The following DAPK2 variants were observed in gnomAD, a reference collection of about 807,000 sequenced individuals.
The protein encoded by DAPK2 is death associated protein kinase 2.
DAPK2 carries 35 observed loss-of-function variants against 44.1 expected under a neutral mutation model. That is an observed-to-expected ratio of 0.79 (90% CI 0.61 to 1.05). DAPK2 has a LOEUF of 1.05. Ranked by LOEUF, DAPK2 falls within the 50% of genes least tolerant of loss-of-function variation. The probability of loss-of-function intolerance (pLI) is 0.00; values close to 1 mark genes in which losing one functional copy is unlikely to be tolerated. For missense variants in DAPK2, 453 were observed against 483.2 expected, an observed-to-expected ratio of 0.94 and a Z score of 0.59; for synonymous variants, 174 against 182.6, an observed-to-expected ratio of 0.95 and a Z score of 0.38.
At chr15:64,015,552 C>G (rs920083485) in intron 1 of DAPK2, among the ~76,000 whole-genome samples, 1 of 152,224 alleles carries the variant, frequency 6.6e-6, no homozygotes, top group Admixed American at 6.5e-5. Flanking sequence ...TTTCCATATT[C>G]TAACCCCTGG....
intron 1 of DAPK2, among the ~76,000 whole-genome samples, chr15:64,024,924 T>TA (rs1411769646): frequency 1.1e-4 from 16 of 152,092 alleles, no homozygotes; most frequent in Admixed American, 1.0e-3. Context: ...ATCAGGGTCC[T>TA]AAGGCCTCAG....
upstream of DAPK2, chr15:64,046,356 G>GCGGCGGGAA: frequency 5.1e-6 from 2 of 390,796 alleles, no homozygotes; most frequent in Non-Finnish European, 5.7e-6. This position sits in a 1 kb window ranked among gnomAD's most constrained non-coding sequence, Gnocchi z 5.3. Context: ...AGCGGCGGGC[G>GCGGCGGGAA]CGGCGGGCGC....
intron 8 of DAPK2, chr15:63,918,192 GTGA>G (rs2078979534): frequency 6.6e-6 from 1 of 152,362 alleles, no homozygotes; most frequent in Non-Finnish European, 1.5e-5. Flanking sequence ...CCTGTGCTGC[GTGA>G]TGGAGTGAGG....
Position 64,002,956 on chromosome 15 carries a change from G to GTCGTGGGACC in DAPK2, c.93-19203_93-19202insGGTCCCACGA, listed in dbSNP as rs2079127182. On this transcript the variant is annotated intron_variant, in intron 1 of 10. Transcript: ENST00000261891. ...TGTGTGTGTGTGTGTGTGTGTGTGTGTGTGTGTGTCGTGGGACCTGTGTGT... is the reference window on the plus strand; with the variant it reads ...TGTGTGTGTGTGTGTGTGTGTGTGTGTCGTGGGACCTGTGTGTGTCGTGGGACCTGTGTGT... Among the ~76,000 whole-genome samples the GTCGTGGGACC allele has an allele frequency of 3.4e-3, 409 of 120,700 alleles. 2 individuals carry two copies. Among genetic ancestry groups the GTCGTGGGACC allele is most frequent in the East Asian group, 8.4e-3 (20 of 2,378 alleles). The allele number at this position is 120,700 out of a possible 152,430, so 79.2% of individuals were successfully genotyped here.
chr15:63,964,443 T>C (rs1260869775), intron 3 of DAPK2, among the ~76,000 whole-genome samples: 1 of 152,160 alleles, frequency 6.6e-6, no homozygotes, highest in Non-Finnish European at 1.5e-5. Context: ...ATTATTTGGG[T>C]TTAACCTTCT....
At position 63,980,163 on chromosome 15, in the gene DAPK2, C is replaced by A. The variant is rs1386043579; in HGVS notation, c.314+3370G>T. Among the ~76,000 whole-genome samples, 1 of 152,130 alleles carries A rather than the reference C, an allele frequency of 6.6e-6. No individual in the cohort carries two copies. Among genetic ancestry groups the A allele is most frequent in the Non-Finnish European group, 1.5e-5 (1 of 68,028 alleles). On this transcript the variant is annotated intron_variant, in intron 2 of 10. Transcript: ENST00000261891. The surrounding 1 kb of genome is among the most constrained non-coding windows in gnomAD (Gnocchi z 4.3). The stretch of plus-strand genomic sequence containing the variant: ...GAGGCCCAAGCAAGTCATGGGAGCA[C>A]CAGCGTGACAACTGATGTTACAGAT...
chr15:63,912,044 T>A lies in DAPK2; in HGVS notation c.949-53A>T, dbSNP rs990043571. Reference sequence around the variant, plus strand: ...CAGGTGAGAATGTGCATGGAGACCCTGGAGAGCCAGAAACCCCGCCCTAGC... The same window carrying A: ...CAGGTGAGAATGTGCATGGAGACCCAGGAGAGCCAGAAACCCCGCCCTAGC... On this transcript the variant is annotated intron_variant, in intron 9 of 10. Transcript: ENST00000261891. The surrounding 1 kb of genome is among the most constrained non-coding windows in gnomAD (Gnocchi z 4.4). The A allele has an allele frequency of 1.3e-6, 2 of 1,596,964 alleles. No homozygotes were observed. Among genetic ancestry groups the A allele is most frequent in the Non-Finnish European group, 1.7e-6 (2 of 1,171,402 alleles).
intron 8 of DAPK2, among the ~76,000 whole-genome samples, chr15:63,924,123 C>T (rs1282418970): frequency 1.3e-5 from 2 of 152,180 alleles, no homozygotes; most frequent in Non-Finnish European, 2.9e-5. Context: ...GAATTAGGGC[C>T]TGAATCCTGC....
chr15:63,907,849 G>T (rs933393675), exon 11 of DAPK2: 1 of 152,390 alleles, frequency 6.6e-6, no homozygotes, highest in African/African-American at 2.4e-5. Context: ...ACCCCACTGG[G>T]TGCCCCCCCT....
chr15:64,024,694 C>T (rs1402969293), intron 1 of DAPK2, among the ~76,000 whole-genome samples: 1 of 152,180 alleles, frequency 6.6e-6, no homozygotes, highest in Non-Finnish European at 1.5e-5. Context: ...CTGCCCTTCT[C>T]CCCTCTGCCC....
chr15:63,936,408 C>T (rs1183231147), intron 4 of DAPK2, among the ~76,000 whole-genome samples: 2 of 151,792 alleles, frequency 1.3e-5, no homozygotes, highest in Admixed American at 6.6e-5. Flanking sequence ...GTCAGGAGTT[C>T]GAGACCTGCC....
chr15:63,946,176 C>T (rs2077444877), intron 3 of DAPK2, among the ~76,000 whole-genome samples: 1 of 152,242 alleles, frequency 6.6e-6, no homozygotes, highest in Non-Finnish European at 1.5e-5. Flanking sequence ...CAGGGAGGCA[C>T]CCATGGGAGA....
intron 6 of DAPK2, among the ~76,000 whole-genome samples, chr15:63,926,991 G>C (rs2079302919): frequency 6.6e-6 from 1 of 152,154 alleles, no homozygotes; most frequent in African/African-American, 2.4e-5. Flanking sequence ...AAGGTGCACT[G>C]TACAAATTTT....
At chr15:64,009,001 G>C (rs1463682649) in intron 1 of DAPK2, among the ~76,000 whole-genome samples, 1 of 152,138 alleles carries the variant, frequency 6.6e-6, no homozygotes, top group Non-Finnish European at 1.5e-5. Context: ...AGGAAAGTTG[G>C]CCAGAATTTA....
chr15:63,914,225 G>A (rs2078867766), intron 8 of DAPK2, among the ~76,000 whole-genome samples: 1 of 149,940 alleles, frequency 6.7e-6, no homozygotes, highest in African/African-American at 2.4e-5. Context: ...CAGCTCCGGG[G>A]CGGGGGGTGG....
chr15:64,033,325 G>GAAGGAAGGA (rs1438177286), intron 1 of DAPK2, among the ~76,000 whole-genome samples: 11 of 137,252 alleles, frequency 8.0e-5, no homozygotes, highest in African/African-American at 2.2e-4. Context: ...AGGAAGGAAG[G>GAAGGAAGGA]AAAAAAAAAA....
rs2079456470 is a variant in DAPK2, at chr15:63,929,647, T to C, written c.633-70A>G. 4 of 1,598,244 alleles carry C rather than the reference T, an allele frequency of 2.5e-6. No individual in the cohort carries two copies. In the East Asian group the frequency reaches 6.7e-5, roughly 27 times the overall value. The stretch of plus-strand genomic sequence containing the variant: ...CCCCGACCAGCAAGGGACACCCTCA[T>C]GGATCTAAGGGGAAGAGGTCACTTG... On this transcript the variant is annotated intron_variant, in intron 5 of 10. Coordinates refer to ENST00000261891, the Ensembl canonical transcript of DAPK2.
rs1393974080 is a variant in DAPK2 at position 63,939,617 on chromosome 15, T to G, written c.454-256A>C. Among the ~76,000 whole-genome samples, 1 of 152,202 alleles carries G rather than the reference T, an allele frequency of 6.6e-6. No homozygotes were observed. Among genetic ancestry groups the G allele is most frequent in the African/African-American group, 2.4e-5 (1 of 41,436 alleles). ...TTCTGCTCACAGCAGAACTGAAGACTCCAGCCTTCATCTCCATTCTGTCTC... is the reference window on the plus strand; with the variant it reads ...TTCTGCTCACAGCAGAACTGAAGACGCCAGCCTTCATCTCCATTCTGTCTC... On this transcript the variant is annotated intron_variant, in intron 3 of 10. Coordinates refer to ENST00000261891, the Ensembl canonical transcript of DAPK2. This position sits in a 1 kb window ranked among gnomAD's most constrained non-coding sequence, Gnocchi z 4.3.
chr15:63,983,424 G>C (rs909538588), intron 2 of DAPK2, 109 bp downstream of exon 3: 7 of 965,902 alleles, frequency 7.2e-6, no homozygotes, highest in Non-Finnish European at 6.3e-6. Context: ...CCTCTGGGCT[G>C]AGCTTAGGCC....
Sources: gnomAD v4.1 joint callset for allele counts (sites outside exome capture counted in the v4.1 genomes callset) on GRCh38, gnomAD v4.1.1 for gene constraint, Gnocchi (gnomAD v3.1) non-coding constraint, MANE v1.5 for transcripts, NCBI Gene and HGNC (gene_info 2026-07-23, HGNC 2026-07-21) for gene names.